SYN2: variants seen among roughly 807,000 people sequenced by gnomAD.
SYN2 encodes synapsin-2.
SYN2 carries 19 observed loss-of-function variants against 50.9 expected under a neutral mutation model. The observed-to-expected ratio is 0.37, with a 90% CI of 0.26 to 0.55. The LOEUF is 0.55. Among genes scored for constraint, SYN2 ranks in the 20% least tolerant of loss-of-function variants. SYN2 has a pLI of 0.81. For synonymous variants in SYN2, 255 were observed against 224.9 expected (o/e 1.13, Z -1.20); for missense variants, 587 against 576.4 (o/e 1.02, Z -0.19).
chr3:12,186,187 G>C (rs1698339289), intron 11 of SYN2, among the ~76,000 whole-genome samples: 1 of 150,872 alleles, frequency 6.6e-6, no homozygotes, highest in Admixed American at 6.6e-5. Context: ...GTTTCTGTAA[G>C]TCCACTCCCT....
intron 9 of SYN2, among the ~76,000 whole-genome samples, chr3:12,169,382 C>T (rs1183106786): frequency 6.6e-6 from 1 of 152,172 alleles, no homozygotes; most frequent in Non-Finnish European, 1.5e-5. Flanking sequence ...AGATGAAAAG[C>T]ACATGCTCCT....
chr3:12,154,935 T>C (rs752370610), intron 5 of SYN2, among the ~76,000 whole-genome samples: 8 of 152,220 alleles, frequency 5.3e-5, no homozygotes, highest in Non-Finnish European at 8.8e-5. Flanking sequence ...CTTCCCAGTA[T>C]CTGCACAGGC....
intron 1 of SYN2, among the ~76,000 whole-genome samples, chr3:12,121,670 G>A (rs1257252277): frequency 2.0e-5 from 3 of 149,776 alleles, no homozygotes; most frequent in Admixed American, 6.6e-5. Flanking sequence ...GAGAAAGGAA[G>A]GGAAGGAGAA....
intron 1 of SYN2, among the ~76,000 whole-genome samples, chr3:12,089,332 G>A (rs1045825416): frequency 2.0e-5 from 3 of 152,158 alleles, no homozygotes; most frequent in Non-Finnish European, 4.4e-5. Flanking sequence ...AAAACCATCA[G>A]ATCTCATGAG....
chr3:12,171,515 C>G (rs977728096), intron 10 of SYN2, among the ~76,000 whole-genome samples: 1 of 152,142 alleles, frequency 6.6e-6, no homozygotes, highest in Non-Finnish European at 1.5e-5. Flanking sequence ...GGTAAGAGAA[C>G]CTGACATTAC....
intron 11 of SYN2, chr3:12,184,241 C>T (rs1347614676): frequency 1.0e-6 from 1 of 985,728 alleles, no homozygotes; most frequent in Non-Finnish European, 1.2e-6. Context: ...CGCTGATGTG[C>T]AATATCAAAG....
At chr3:12,076,946 A>G (rs1169961723) in intron 1 of SYN2, among the ~76,000 whole-genome samples, 1 of 152,132 alleles carries the variant, frequency 6.6e-6, no homozygotes, top group Non-Finnish European at 1.5e-5. Flanking sequence ...GTGGTTTTAG[A>G]TGGAAGAAGA....
At chr3:12,126,432 CT>C (rs1328336996) in intron 1 of SYN2, among the ~76,000 whole-genome samples, 9 of 152,222 alleles carry the variant, frequency 5.9e-5, no homozygotes, top group African/African-American at 2.2e-4. Flanking sequence ...TTGAAATGCC[CT>C]TTCCACATCA....
chr3:12,011,855 T>C (rs953176932), intron 1 of SYN2, among the ~76,000 whole-genome samples: 4 of 152,260 alleles, frequency 2.6e-5, no homozygotes, highest in African/African-American at 9.6e-5. Context: ...GATAACATTA[T>C]GTATTTCTGA....
chr3:12,011,078 C>A (rs1274884861), intron 1 of SYN2, among the ~76,000 whole-genome samples: 1 of 152,146 alleles, frequency 6.6e-6, no homozygotes, highest in East Asian at 1.9e-4. Flanking sequence ...AACCAAGATA[C>A]AACTCTGTCT....
intron 5 of SYN2, among the ~76,000 whole-genome samples, chr3:12,151,791 A>T (rs2125225434): frequency 6.6e-6 from 1 of 152,288 alleles, no homozygotes; most frequent in South Asian, 2.1e-4. Flanking sequence ...CATCTACTAG[A>T]TGTAAGGCAT....
chr3:12,165,712 C>T (rs879432098), intron 7 of SYN2: 1 of 152,168 alleles, frequency 6.6e-6, no homozygotes, highest in African/African-American at 2.4e-5. Context: ...ACTCTCTGCC[C>T]CTGCCTTGAG....
intron 1 of SYN2, among the ~76,000 whole-genome samples, chr3:12,100,971 G>A (rs1696060927): frequency 6.6e-6 from 1 of 151,920 alleles, no homozygotes; most frequent in Non-Finnish European, 1.5e-5. Context: ...TAAAAAAGAT[G>A]GACAATAACA....
At chr3:12,147,279 A>G (rs1355279084) in intron 4 of SYN2, among the ~76,000 whole-genome samples, 1 of 151,996 alleles carries the variant, frequency 6.6e-6, no homozygotes, top group Non-Finnish European at 1.5e-5. Flanking sequence ...TTCACCCTGG[A>G]ACTAACAGCT....
At chr3:12,136,416 C>T (rs1696893557) in intron 1 of SYN2, among the ~76,000 whole-genome samples, 1 of 152,198 alleles carries the variant, frequency 6.6e-6, no homozygotes, top group African/African-American at 2.4e-5. Flanking sequence ...ACAACTAAGA[C>T]TCAGAGACGC....
At chr3:12,161,172 A>G (rs534458043) in intron 5 of SYN2, among the ~76,000 whole-genome samples, 1 of 152,366 alleles carries the variant, frequency 6.6e-6, no homozygotes, top group South Asian at 2.1e-4. Context: ...ATAAAAATAC[A>G]GGTTTATTAA....
intron 1 of SYN2, among the ~76,000 whole-genome samples, chr3:12,019,878 A>ACTCTTCTC (rs1171045700): frequency 1.3e-5 from 2 of 151,906 alleles, no homozygotes; most frequent in Non-Finnish European, 2.9e-5. Flanking sequence ...TAAAATCAAT[A>ACTCTTCTC]CTCTTCTCAC....
At chr3:12,147,339 C>G (rs1697175198) in intron 4 of SYN2, among the ~76,000 whole-genome samples, 1 of 152,028 alleles carries the variant, frequency 6.6e-6, no homozygotes, top group South Asian at 2.1e-4. Context: ...AGAAAAAGAT[C>G]AATGGACAAG....
rs531748389 is a variant in SYN2 at position 12,133,903 on chromosome 3, A to G, written c.378-6748A>G. ...AAGTCATTATCCTAGAATATTGGCAAATTAATACAGATGAAGTAGATTAGA... is the reference window on the plus strand; with the variant it reads ...AAGTCATTATCCTAGAATATTGGCAGATTAATACAGATGAAGTAGATTAGA... On this transcript the variant is annotated intron_variant, in intron 1 of 12. Coordinates refer to ENST00000621198, the MANE Select transcript of SYN2 (RefSeq NM_133625.6). 1.7e-3 allele frequency among the ~76,000 whole-genome samples: 256 copies of G among 152,346 alleles called. 1 individual carries two copies. The highest frequency in any genetic ancestry group is 5.9e-3 in the African/African-American group (245 of 41,590).
Sources: gnomAD v4.1 joint callset for allele counts (sites outside exome capture counted in the v4.1 genomes callset) on GRCh38, gnomAD v4.1.1 for gene constraint, MANE v1.5 for transcripts, NCBI Gene and HGNC (gene_info 2026-07-23, HGNC 2026-07-21) for gene names.